The following ZNF560 variants were observed in gnomAD, a reference collection of about 807,000 sequenced individuals.
ZNF560 encodes the protein zinc finger protein 560.
Under a neutral mutation model 81.8 loss-of-function variants are expected in ZNF560, and 54 were observed. That is an observed-to-expected ratio of 0.66 (90% CI 0.53 to 0.83). ZNF560 has a LOEUF of 0.83. Among genes scored for constraint, ZNF560 ranks in the 40% least tolerant of loss-of-function variants. The probability of loss-of-function intolerance (pLI) is 0.00; values close to 1 mark genes in which losing one functional copy is unlikely to be tolerated. For synonymous variants in ZNF560, 321 were observed against 317.9 expected, an observed-to-expected ratio of 1.01 and a Z score of -0.10; for missense variants, 940 against 932.4, an observed-to-expected ratio of 1.01 and a Z score of -0.11.
At chr19:9,450,214 C>T in the ZNF560 span, among the ~76,000 whole-genome samples, 3 of 151,580 alleles carry the variant, frequency 2.0e-5, no homozygotes, top group Non-Finnish European at 4.4e-5. Context: ...TCATTTGAAC[C>T]CGGGAGGCGG....
At chr19:9,499,940 T>C (rs1440900526), upstream of ZNF560, among the ~76,000 whole-genome samples, 1 of 152,244 alleles carries the variant, frequency 6.6e-6, no homozygotes, top group Non-Finnish European at 1.5e-5. Flanking sequence ...TGTGCAACTT[T>C]ACGGAATTTA....
At chr19:9,458,301 T>C in the ZNF560 span, among the ~76,000 whole-genome samples, 2 of 152,360 alleles carry the variant, frequency 1.3e-5, no homozygotes, top group Non-Finnish European at 2.9e-5. Context: ...ACTAATTGGA[T>C]TCTCCCTAAA....
chr19:9,468,442 T>C, intron 9 of ZNF560, 108 bp from the exon 10 acceptor site: 1 of 789,254 alleles, frequency 1.3e-6, no homozygotes, highest in Non-Finnish European at 1.9e-6. Context: ...TTTTATAACA[T>C]GCATATAGTT....
chr19:9,457,286 T>G, the ZNF560 span, among the ~76,000 whole-genome samples: 11 of 152,252 alleles, frequency 7.2e-5, no homozygotes, highest in Non-Finnish European at 1.2e-4. Context: ...CTGCTATGAT[T>G]CCAAAAAATT....
upstream of ZNF560, among the ~76,000 whole-genome samples, chr19:9,503,080 G>T (rs2073644277): frequency 6.6e-6 from 1 of 152,044 alleles, no homozygotes; most frequent in African/African-American, 2.4e-5. Flanking sequence ...CTGAGGCCAG[G>T]TAATGTGGCT....
chr19:9,506,248 C>T, the ZNF560 span, among the ~76,000 whole-genome samples: 1 of 152,160 alleles, frequency 6.6e-6, no homozygotes, highest in Non-Finnish European at 1.5e-5. Flanking sequence ...CTGCCTCAGC[C>T]TCCCAAAGTG....
chr19:9,468,474 A>G (rs2073069797), intron 9 of ZNF560, 140 bp from the exon 10 acceptor site: 1 of 616,062 alleles, frequency 1.6e-6, no homozygotes, highest in African/African-American at 1.9e-5. Flanking sequence ...GATTTCCTTC[A>G]ACTTGAATAA....
Position 9,485,985 on chromosome 19 carries a change from A to T in ZNF560, c.-56-10616T>A, listed in dbSNP as rs572163550. Among the ~76,000 whole-genome samples, 4 of 152,340 alleles carry T rather than the reference A, an allele frequency of 2.6e-5. No individual in the cohort carries two copies. In the South Asian group the frequency reaches 6.2e-4, roughly 24 times the overall value. ...ATCTGCCATAACCCATGGAGCTGGC[A>T]GGGGCAGGGAGCATCAGCACCAAAC... On this transcript the variant is annotated intron_variant, in intron 2 of 9. Coordinates refer to ENST00000301480, the MANE Select transcript of ZNF560 (RefSeq NM_152476.3).
chr19:9,479,676 A>G (rs749230239), intron 2 of ZNF560, among the ~76,000 whole-genome samples: 15 of 152,208 alleles, frequency 9.9e-5, no homozygotes, highest in Non-Finnish European at 1.9e-4. Flanking sequence ...ACTTTATTAT[A>G]TATGTGCACA....
upstream of ZNF560, among the ~76,000 whole-genome samples, chr19:9,501,404 G>A (rs546415358): frequency 1.3e-5 from 2 of 149,040 alleles, no homozygotes; most frequent in South Asian, 4.3e-4. Flanking sequence ...TGTTGCCCAG[G>A]CTGGATTGCA....
At chr19:9,503,223 A>G (rs777719464), upstream of ZNF560, among the ~76,000 whole-genome samples, 10 of 151,972 alleles carry the variant, frequency 6.6e-5, no homozygotes, top group Non-Finnish European at 1.5e-4. Context: ...CCTTGTCTCA[A>G]ATAATAATAA....
upstream of ZNF560, among the ~76,000 whole-genome samples, chr19:9,500,078 G>A (rs2073619725): frequency 6.6e-6 from 1 of 151,798 alleles, no homozygotes; most frequent in Non-Finnish European, 1.5e-5. Context: ...TTGTGTAATT[G>A]CTCTGGCTAG....
At chr19:9,481,024 C>T (rs1192458845) in intron 2 of ZNF560, among the ~76,000 whole-genome samples, 2 of 148,384 alleles carry the variant, frequency 1.3e-5, no homozygotes, top group African/African-American at 5.0e-5. Flanking sequence ...AGAGAGGCTG[C>T]AGTGAGCTGA....
At chr19:9,489,525 G>A (rs919095267) in intron 2 of ZNF560, among the ~76,000 whole-genome samples, 1 of 152,076 alleles carries the variant, frequency 6.6e-6, no homozygotes, top group African/African-American at 2.4e-5. Flanking sequence ...CAGACAGGGC[G>A]GTGGCCAGGC....
the ZNF560 span, among the ~76,000 whole-genome samples, chr19:9,460,993 G>T: frequency 6.6e-6 from 1 of 152,144 alleles, no homozygotes; most frequent in African/African-American, 2.4e-5. Context: ...AAGAAGTACC[G>T]CAAGAGTTCC....
chr19:9,466,782 G>A lies in ZNF560; in HGVS notation c.2165C>T (p.Thr722Ile). The change falls in exon 10 of 10, where the codon ACT (threonine) becomes ATT (isoleucine). Residue 722 changes from threonine to isoleucine, a missense_variant. Transcript: ENST00000301480. ...ATGATTAGTAAGATCTGAATGACAAGTGAAGGCTTTCCCACAGTCCTTACA... is the reference window on the plus strand; with the variant it reads ...ATGATTAGTAAGATCTGAATGACAAATGAAGGCTTTCCCACAGTCCTTACA... ...YKCKDCGKAF[T>I]CHSDLTNHVR... 1.2e-6 allele frequency: 2 copies of A among 1,614,088 alleles called. No homozygotes were observed. Among genetic ancestry groups the A allele is most frequent in the Non-Finnish European group, 1.7e-6 (2 of 1,179,994 alleles).
chr19:9,502,781 C>G (rs2073642601), upstream of ZNF560, among the ~76,000 whole-genome samples: 1 of 152,030 alleles, frequency 6.6e-6, no homozygotes. Flanking sequence ...ATCTTTATTT[C>G]TGAATAGTTT....
In ZNF560 at chr19:9,468,049, C is replaced by T. The variant is rs1464816739; in HGVS notation, c.898G>A (p.Ala300Thr). 1 of 1,614,194 alleles carries T rather than the reference C, an allele frequency of 6.2e-7. No homozygotes were observed. Among genetic ancestry groups the T allele is most frequent in the Non-Finnish European group, 8.5e-7 (1 of 1,180,044 alleles). The change falls in exon 10 of 10, where the codon GCC becomes ACC. Residue 300 changes from alanine (A) to threonine (T), a missense_variant. Physicochemically the swap from Ala to Thr is moderately conservative, Grantham distance 58 (BLOSUM62 0). Coordinates refer to ENST00000301480, the MANE Select transcript of ZNF560 (RefSeq NM_152476.3). ...TCAAGGTATGACTGATAAATGAAGGCTTTCCCATAGTCAGTGCCTTCAAAG... is the reference window on the plus strand; with the variant it reads ...TCAAGGTATGACTGATAAATGAAGGTTTTCCCATAGTCAGTGCCTTCAAAG... ...KSFEGTDYGKAFIYQSYLEAH... is the reference protein window; with the variant it reads ...KSFEGTDYGKTFIYQSYLEAH...
intron 5 of ZNF560, among the ~76,000 whole-genome samples, chr19:9,472,514 A>G (rs1407505758): frequency 2.6e-5 from 4 of 152,158 alleles, no homozygotes; most frequent in Admixed American, 2.6e-4. Context: ...ATCTATCATG[A>G]ACTGTGCATG....
Sources: allele counts gnomAD v4.1 joint callset (sites outside exome capture counted in the v4.1 genomes callset), GRCh38; gene constraint gnomAD v4.1.1; transcripts MANE v1.5; gene names NCBI Gene and HGNC (gene_info 2026-07-23, HGNC 2026-07-21).